Variants in DSCAM observed in about 807,000 individuals in gnomAD.
DSCAM encodes the protein DS cell adhesion molecule.
DSCAM carries 47 observed loss-of-function variants against 217.7 expected under a neutral mutation model. The observed-to-expected ratio is 0.22, with a 90% confidence interval of 0.17 to 0.28. DSCAM has a LOEUF of 0.28. Among genes scored for constraint, DSCAM ranks in the 10% least tolerant of loss-of-function variants. DSCAM has a pLI of 1.00. For synonymous variants in DSCAM, 1,056 were observed against 1,015.3 expected (o/e 1.04, Z -0.76); for missense variants, 2,080 against 2,618.3 (o/e 0.79, Z 4.49).
intron 11 of DSCAM, among the ~76,000 whole-genome samples, chr21:40,227,209 T>C (rs2091340951): frequency 6.6e-6 from 1 of 152,172 alleles, no homozygotes; most frequent in Non-Finnish European, 1.5e-5. Flanking sequence ...AAATGTGTCA[T>C]GGTTGACTCT....
At chr21:40,665,321 G>C (rs558773955) in intron 3 of DSCAM, among the ~76,000 whole-genome samples, 2 of 152,030 alleles carry the variant, frequency 1.3e-5, no homozygotes, top group African/African-American at 4.8e-5. Context: ...AATACCTGTG[G>C]ACAGAATCCT....
intron 3 of DSCAM, among the ~76,000 whole-genome samples, chr21:40,545,952 T>A (rs1255190420): frequency 3.9e-5 from 6 of 152,180 alleles, no homozygotes; most frequent in Non-Finnish European, 7.4e-5. Context: ...CTTGGTGGGT[T>A]TCCAGCCTTG....
At chr21:40,726,978 A>T (rs944253492) in intron 1 of DSCAM, among the ~76,000 whole-genome samples, 2 of 152,140 alleles carry the variant, frequency 1.3e-5, no homozygotes, top group Admixed American at 6.6e-5. Flanking sequence ...CAGCAAAAAG[A>T]CCCTCACCAA....
chr21:40,487,157 G>C (rs977534344), intron 3 of DSCAM, among the ~76,000 whole-genome samples: 3 of 151,776 alleles, frequency 2.0e-5, no homozygotes, highest in African/African-American at 7.3e-5. Context: ...GTAATTCCTG[G>C]TTCTGACTTA....
chr21:40,043,310 C>A (rs141407167), intron 31 of DSCAM, among the ~76,000 whole-genome samples: 305 of 152,268 alleles, frequency 2.0e-3, no homozygotes, highest in African/African-American at 7.1e-3. Context: ...TTCAAATGCA[C>A]TAAAAAGTTT....
intron 1 of DSCAM, among the ~76,000 whole-genome samples, chr21:40,751,204 T>C (rs1182717220): frequency 6.6e-6 from 1 of 152,176 alleles, no homozygotes; most frequent in Non-Finnish European, 1.5e-5. Flanking sequence ...TTCACTCAAG[T>C]GCCCCTTCTC....
At chr21:40,246,409 T>C (rs1417752934) in intron 11 of DSCAM, among the ~76,000 whole-genome samples, 1 of 112,828 alleles carries the variant, frequency 8.9e-6, no homozygotes, top group Non-Finnish European at 1.7e-5. Context: ...GGTGTGGTGG[T>C]GCATGCCTGT....
chr21:40,170,695 T>C (rs1333680897), intron 15 of DSCAM, among the ~76,000 whole-genome samples: 4 of 152,220 alleles, frequency 2.6e-5, no homozygotes, highest in Admixed American at 6.5e-5. Context: ...TCTGTGCTCA[T>C]TGAAAAGCAC....
chr21:40,347,989 A>T, intron 5 of DSCAM, 44 bp from the exon 6 acceptor site: 1 of 1,571,248 alleles, frequency 6.4e-7, no homozygotes, highest in Non-Finnish European at 8.6e-7. Flanking sequence ...TAAAAACATC[A>T]CTAGATAGCA....
intron 20 of DSCAM, among the ~76,000 whole-genome samples, chr21:40,111,655 T>C (rs1400155606): frequency 1.3e-5 from 2 of 152,166 alleles, no homozygotes; most frequent in East Asian, 1.9e-4. Context: ...ATCAGTGTGC[T>C]GTATTCAGGA....
At chr21:40,460,302 T>C (rs574702397) in intron 3 of DSCAM, among the ~76,000 whole-genome samples, 2 of 152,162 alleles carry the variant, frequency 1.3e-5, no homozygotes, top group Admixed American at 6.6e-5. Flanking sequence ...ATTAAATGTT[T>C]TAAAAAGTTG....
intron 1 of DSCAM, among the ~76,000 whole-genome samples, chr21:40,845,806 G>A (rs1341001745): frequency 6.6e-6 from 1 of 152,134 alleles, no homozygotes; most frequent in Non-Finnish European, 1.5e-5. Flanking sequence ...ATTCATACAT[G>A]TAAGTTCATA....
intron 20 of DSCAM, among the ~76,000 whole-genome samples, chr21:40,094,371 G>A (rs1167305400): frequency 6.6e-6 from 1 of 152,126 alleles, no homozygotes; most frequent in Admixed American, 6.6e-5. Context: ...TCCTCAACTC[G>A]GGAGGTTGGC....
At chr21:40,327,323 C>T (rs1185560488) in intron 8 of DSCAM, among the ~76,000 whole-genome samples, 8 of 152,090 alleles carry the variant, frequency 5.3e-5, no homozygotes, top group Non-Finnish European at 1.2e-4. Context: ...GCAAGTGCAA[C>T]AAGTATTATA....
At chr21:40,286,829 G>A (rs2073831525) in intron 10 of DSCAM, among the ~76,000 whole-genome samples, 1 of 35,162 alleles carries the variant, frequency 2.8e-5, no homozygotes, top group Non-Finnish European at 6.0e-5. Context: ...TCCATGGTGT[G>A]ATCTGCAGTA....
intron 8 of DSCAM, among the ~76,000 whole-genome samples, chr21:40,314,232 A>G (rs1286216535): frequency 6.6e-6 from 1 of 152,228 alleles, no homozygotes; most frequent in East Asian, 1.9e-4. Flanking sequence ...TTTCAAAAGC[A>G]GTTGGGAGCT....
At chr21:40,186,831 G>A (rs558850275) in intron 14 of DSCAM, among the ~76,000 whole-genome samples, 2 of 152,282 alleles carry the variant, frequency 1.3e-5, no homozygotes, top group Admixed American at 6.5e-5. Context: ...GTGGGGGCCT[G>A]TCTCCATCAG....
At chr21:40,791,823 C>T (rs992991382) in intron 1 of DSCAM, among the ~76,000 whole-genome samples, 2 of 152,126 alleles carry the variant, frequency 1.3e-5, no homozygotes, top group Admixed American at 6.5e-5. Context: ...GGGACTCAGG[C>T]CGTGAAGCTC....
intron 3 of DSCAM, among the ~76,000 whole-genome samples, chr21:40,372,917 C>G (rs1006972574): frequency 2.6e-5 from 4 of 152,120 alleles, no homozygotes; most frequent in Admixed American, 2.6e-4. Context: ...TTCAGTCAGC[C>G]TGGTTAAGAT....
Sources: gnomAD v4.1 joint callset for allele counts (sites outside exome capture counted in the v4.1 genomes callset) on GRCh38, gnomAD v4.1.1 for gene constraint, MANE v1.5 for transcripts, NCBI Gene and HGNC (gene_info 2026-07-23, HGNC 2026-07-21) for gene names.